The following HIPK1 variants were observed in gnomAD, a reference collection of about 807,000 sequenced individuals.
The protein encoded by HIPK1 is homeodomain-interacting protein kinase 1.
Under a neutral mutation model 117.1 loss-of-function variants are expected in HIPK1, and 28 were observed. That is an observed-to-expected ratio of 0.24 (90% CI 0.18 to 0.33). The LOEUF is 0.33. HIPK1 is among the 10% of genes least tolerant of loss of function. HIPK1 has a pLI of 1.00. For synonymous variants in HIPK1, 605 were observed against 562.5 expected, an observed-to-expected ratio of 1.08 and a Z score of -1.07; for missense variants, 1,122 against 1,475.1, an observed-to-expected ratio of 0.76 and a Z score of 3.92.
chr1:113,956,469 C>G (rs936139417), intron 5 of HIPK1, among the ~76,000 whole-genome samples, 158 bp from the exon 6 acceptor site: 2 of 152,170 alleles, frequency 1.3e-5, no homozygotes, highest in Non-Finnish European at 1.5e-5. Flanking sequence ...AAAGAGCTTC[C>G]TCCTCTGAAA....
Position 113,958,174 on chromosome 1 carries a change from G to C in HIPK1, c.1864G>C (p.Ala622Pro). Residue 622 changes from alanine to proline, a missense_variant, in exon 8 of 16, where the codon GCA (alanine) becomes CCA (proline). Physicochemically the swap from Ala to Pro is conservative, Grantham distance 27. Coordinates refer to ENST00000426820, the MANE Select transcript of HIPK1 (RefSeq NM_198268.3). ...YQSALYPSSA[A>P]PVPGVAQQGV... ...GTCAGCTTTGTACCCATCATCTGCT[G>C]CACCAGTTCCTGGAGTTGCCCAGCA... 1 of 1,614,126 alleles carries C rather than the reference G, an allele frequency of 6.2e-7. No individual in the cohort carries two copies. The highest frequency in any genetic ancestry group is 8.5e-7 in the Non-Finnish European group (1 of 1,179,986).
intron 2 of HIPK1, among the ~76,000 whole-genome samples, chr1:113,948,950 G>T (rs1571681675): frequency 1.3e-5 from 2 of 152,232 alleles, no homozygotes; most frequent in African/African-American, 4.8e-5. Context: ...CGATTCTCCT[G>T]CCTCAGCCTC....
intron 2 of HIPK1, among the ~76,000 whole-genome samples, chr1:113,944,700 G>C (rs1484157334): frequency 6.6e-6 from 1 of 150,970 alleles, no homozygotes; most frequent in African/African-American, 2.4e-5. Flanking sequence ...GGATGGTCTC[G>C]ATCTCTTGAC....
chr1:113,936,546 C>T (rs1414488768), intron 1 of HIPK1, among the ~76,000 whole-genome samples: 2 of 152,114 alleles, frequency 1.3e-5, no homozygotes, highest in South Asian at 2.1e-4. Context: ...CTCACTACAA[C>T]CTCTGCCTCC....
chr1:113,969,010 A>G (rs2101481032), intron 13 of HIPK1, among the ~76,000 whole-genome samples: 1 of 152,242 alleles, frequency 6.6e-6, no homozygotes, highest in African/African-American at 2.4e-5. Flanking sequence ...ACAGAGCAAG[A>G]CTGCATCCCC....
chr1:113,929,602 G>A, intron 1 of HIPK1, 70 bp downstream of exon 1: 1 of 1,160,522 alleles, frequency 8.6e-7, no homozygotes. Context: ...AGGGACGGCC[G>A]CTCGGCATTC....
chr1:113,937,865 A>G (rs1670352682), intron 1 of HIPK1, among the ~76,000 whole-genome samples: 1 of 152,104 alleles, frequency 6.6e-6, no homozygotes, highest in African/African-American at 2.4e-5. Context: ...AACTAAAGAA[A>G]GAAAGGCAGT....
intron 10 of HIPK1, among the ~76,000 whole-genome samples, chr1:113,964,792 G>A (rs1454215263): frequency 3.3e-5 from 5 of 152,194 alleles, no homozygotes; most frequent in African/African-American, 7.2e-5. Flanking sequence ...TAGTTTCGAG[G>A]TTGGAATGTT....
chr1:113,962,232 A>G, intron 8 of HIPK1, 85 bp from the exon 9 acceptor site: 1 of 1,383,382 alleles, frequency 7.2e-7, no homozygotes. Flanking sequence ...GGATTATTTG[A>G]ACAGAGAAGC....
chr1:113,934,210 A>G (rs1221993430), intron 1 of HIPK1, among the ~76,000 whole-genome samples: 2 of 152,248 alleles, frequency 1.3e-5, no homozygotes, highest in African/African-American at 4.8e-5. Flanking sequence ...ACATTGAGCA[A>G]AAGCAACAGG....
chr1:113,969,968 G>A lies in HIPK1; in HGVS notation c.2784G>A (p.Lys928=). 1.2e-6 allele frequency: 2 copies of A among 1,614,144 alleles called. No individual in the cohort carries two copies. Among genetic ancestry groups the A allele is most frequent in the South Asian group, 1.1e-5 (1 of 91,076 alleles). ...TTCTTTTCCTCAGCTCTGGACTGAA[G>A]CCAAGGTCTAATGTCATCAGTTATG... ...NKYKPSSSGL[K]PRSNVISYVT... The change falls in exon 14 of 16, where the codon AAG becomes AAA. Residue 928 remains lysine (K), a synonymous_variant. Transcript: ENST00000426820.
At position 113,955,662 on chromosome 1, in the gene HIPK1, A is replaced by G. The variant is rs751765359; in HGVS notation, c.1407+13A>G. 41 of 1,413,692 alleles carry G rather than the reference A, an allele frequency of 2.9e-5. No individual in the cohort carries two copies. The highest frequency in any genetic ancestry group is 2.3e-4 in the East Asian group (10 of 43,724). 87.6% of individuals were successfully genotyped at this position (1,413,692 alleles called of 1,614,324 possible). ...TGACATGGCTCAGGTGAGTACGGAA[A>G]GTTTCAGAAAGTCAGACATTTATTT... is the stretch of plus-strand genomic sequence containing the variant. On this transcript the variant is annotated intron_variant, in intron 5 of 15. Coordinates refer to ENST00000426820, the MANE Select transcript of HIPK1 (RefSeq NM_198268.3).
In HIPK1 at chr1:113,951,317, A is replaced by G. The variant is rs139436154; in HGVS notation, c.1077-1449A>G. ...AGTATGTACTTTTACTTATTGAGAAACAGTGTAATATATAATATACTCAAT... is the reference window on the plus strand; with the variant it reads ...AGTATGTACTTTTACTTATTGAGAAGCAGTGTAATATATAATATACTCAAT... On this transcript the variant is annotated intron_variant, in intron 2 of 15. Transcript: ENST00000426820. 6.2e-5 allele frequency: 60 copies of G among 965,866 alleles called. 1 individual carries two copies. In the East Asian group the frequency reaches 6.2e-3, roughly 100 times the overall value. The allele number at this position is 965,866 out of a possible 1,614,324, so 59.8% of individuals were successfully genotyped here.
chr1:113,940,858 A>G lies in HIPK1; in HGVS notation c.475A>G (p.Thr159Ala), dbSNP rs551035361. 1.9e-6 allele frequency: 3 copies of G among 1,614,112 alleles called. No homozygotes were observed. Among genetic ancestry groups the G allele is most frequent in the East Asian group, 4.5e-5 (2 of 44,886 alleles). Residue 159 changes from threonine to alanine, a missense_variant, in exon 2 of 16, where the codon ACC (threonine) becomes GCC (alanine). Physicochemically the swap from Thr to Ala is moderately conservative, Grantham distance 58. This residue lies in a region of HIPK1 where 192 missense variants were observed against 234.0 expected (regional missense o/e 0.82). Coordinates refer to ENST00000426820, the MANE Select transcript of HIPK1 (RefSeq NM_198268.3). ...NRTVVGAAATTTTVTTKSSSS... is the reference protein window; with the variant it reads ...NRTVVGAAATATTVTTKSSSS... ...GACTGTGGTGGGTGCTGCTGCCACA[A>G]CCACCACTGTGACCACAAAGAGTAG... is the stretch of plus-strand genomic sequence containing the variant.
intron 12 of HIPK1, 119 bp downstream of exon 12, chr1:113,968,067 T>C: frequency 1.2e-6 from 1 of 849,856 alleles, no homozygotes; most frequent in Non-Finnish European, 1.8e-6. Context: ...AGCTGCCAAA[T>C]TGAGGAAGAG....
At chr1:113,966,040 A>T in intron 10 of HIPK1, 90 bp from the exon 11 acceptor site, 1 of 1,311,080 alleles carries the variant, frequency 7.6e-7, no homozygotes, top group Non-Finnish European at 1.1e-6. Context: ...AACTTCTTTT[A>T]AGATATGAAT....
chr1:113,951,128 A>G (rs565304635), intron 2 of HIPK1: 1 of 616,248 alleles, frequency 1.6e-6, no homozygotes, highest in Admixed American at 6.3e-5. Flanking sequence ...TAAAGAACTT[A>G]GAACAGTGCA....
intron 5 of HIPK1, among the ~76,000 whole-genome samples, 168 bp downstream of exon 5, chr1:113,955,817 C>T (rs1435444470): frequency 6.6e-6 from 1 of 152,118 alleles, no homozygotes; most frequent in African/African-American, 2.4e-5. Context: ...TAAATCCTAA[C>T]CAAGTATATT....
intron 2 of HIPK1, among the ~76,000 whole-genome samples, chr1:113,944,158 G>GTTTTTTT (rs1474594102): frequency 1.2e-5 from 1 of 84,578 alleles, no homozygotes; most frequent in Non-Finnish European, 2.2e-5. Flanking sequence ...AATAGCCATG[G>GTTTTTTT]GTTTTTTTTT....
Sources: allele counts gnomAD v4.1 joint callset (sites outside exome capture counted in the v4.1 genomes callset), GRCh38; gene constraint gnomAD v4.1.1; regional missense constraint gnomAD v4.1.1; transcripts MANE v1.5; gene names NCBI Gene and HGNC (gene_info 2026-07-23, HGNC 2026-07-21).